ADCK1: variants seen among roughly 807,000 people sequenced by gnomAD.
ADCK1 encodes aarF domain-containing protein kinase 1.
A neutral mutation model predicts 52.3 loss-of-function variants in ADCK1; 41 were observed. The observed-to-expected ratio is 0.78, with a 90% CI of 0.61 to 1.02. The LOEUF is 1.02. ADCK1 is among the 50% of genes least tolerant of loss of function. ADCK1 has a pLI of 0.00. For missense variants in ADCK1, 658 were observed against 679.5 expected, an observed-to-expected ratio of 0.97 and a Z score of 0.35; for synonymous variants, 250 against 274.6, an observed-to-expected ratio of 0.91 and a Z score of 0.89.
chr14:77,827,745 C>A, intron 3 of ADCK1: 1 of 361,622 alleles, frequency 2.8e-6, no homozygotes. Context: ...AGAATTGGAG[C>A]CATTTTGGAC....
chr14:77,898,980 G>A, intron 5 of ADCK1, 120 bp from the exon 6 acceptor site: 16 of 1,334,878 alleles, frequency 1.2e-5, no homozygotes, highest in Non-Finnish European at 1.6e-5. Context: ...GAATTCAGAG[G>A]AGGGATGGGC....
chr14:77,920,989 A>G (rs1385016117), intron 7 of ADCK1, among the ~76,000 whole-genome samples: 1 of 151,780 alleles, frequency 6.6e-6, no homozygotes, highest in Non-Finnish European at 1.5e-5. Flanking sequence ...TAAACTTTGA[A>G]AATTAGGCTT....
At chr14:77,853,665 T>G (rs2082359810) in intron 3 of ADCK1, among the ~76,000 whole-genome samples, 1 of 152,166 alleles carries the variant, frequency 6.6e-6, no homozygotes, top group South Asian at 2.1e-4. Flanking sequence ...CTGGTGGAAA[T>G]AGGTCCTGTG....
At chr14:77,888,572 A>G (rs187144002) in intron 5 of ADCK1, among the ~76,000 whole-genome samples, 3 of 152,236 alleles carry the variant, frequency 2.0e-5, no homozygotes, top group Admixed American at 2.0e-4. Flanking sequence ...GAGCTGCTGC[A>G]TGGGTCTGAG....
intron 4 of ADCK1, among the ~76,000 whole-genome samples, chr14:77,882,863 C>G (rs781452246): frequency 2.0e-5 from 3 of 152,132 alleles, no homozygotes; most frequent in Non-Finnish European, 4.4e-5. Context: ...CACTTAGTCT[C>G]CTGATTCCCA....
intron 4 of ADCK1, among the ~76,000 whole-genome samples, chr14:77,874,753 A>G (rs1267927921): frequency 3.9e-5 from 6 of 152,218 alleles, no homozygotes; most frequent in South Asian, 2.1e-4. Context: ...TCAGGGCACT[A>G]TGATCTATTT....
At chr14:77,903,729 G>T (rs1245316811) in intron 6 of ADCK1, among the ~76,000 whole-genome samples, 2 of 152,090 alleles carry the variant, frequency 1.3e-5, no homozygotes, top group Non-Finnish European at 2.9e-5. Flanking sequence ...GCCATGCCAG[G>T]GTTCCTTAGT....
At chr14:77,880,497 G>A (rs571148237) in intron 4 of ADCK1, among the ~76,000 whole-genome samples, 1 of 152,226 alleles carries the variant, frequency 6.6e-6, no homozygotes, top group Non-Finnish European at 1.5e-5. Flanking sequence ...TCCTTGAGCT[G>A]TTATTGCCAT....
intron 5 of ADCK1, among the ~76,000 whole-genome samples, chr14:77,893,201 T>C (rs527471643): frequency 1.3e-5 from 2 of 152,342 alleles, no homozygotes; most frequent in South Asian, 2.1e-4. Flanking sequence ...GCCAGACTAA[T>C]TGGGCCCAGA....
intron 3 of ADCK1, among the ~76,000 whole-genome samples, chr14:77,852,694 T>A (rs1468832077): frequency 4.0e-5 from 5 of 124,586 alleles, no homozygotes; most frequent in Non-Finnish European, 8.4e-5. Flanking sequence ...TATATATATA[T>A]ATATATATAT....
At chr14:77,902,385 T>G (rs1461264749) in intron 6 of ADCK1, 2 of 152,178 alleles carry the variant, frequency 1.3e-5, no homozygotes, top group African/African-American at 2.4e-5. Flanking sequence ...GACCCTCTTG[T>G]GTGTGTAAAT....
At chr14:77,885,691 T>C (rs1416839795) in intron 4 of ADCK1, among the ~76,000 whole-genome samples, 1 of 152,092 alleles carries the variant, frequency 6.6e-6, no homozygotes, top group East Asian at 1.9e-4. Flanking sequence ...CTGTGCAGAC[T>C]GAATAGACTT....
chr14:77,813,970 G>A (rs535759640), intron 1 of ADCK1, among the ~76,000 whole-genome samples: 6 of 152,090 alleles, frequency 3.9e-5, no homozygotes, highest in Admixed American at 3.3e-4. Context: ...GTTTTGCCAT[G>A]TTGGCAAGGC....
chr14:77,861,922 T>A (rs896684201), intron 4 of ADCK1, among the ~76,000 whole-genome samples: 4 of 152,222 alleles, frequency 2.6e-5, no homozygotes, highest in African/African-American at 4.8e-5. Flanking sequence ...GCTGGCACCA[T>A]CAGTGCAGAG....
intron 4 of ADCK1, among the ~76,000 whole-genome samples, chr14:77,883,730 G>A (rs1274516874): frequency 1.3e-5 from 2 of 152,118 alleles, no homozygotes; most frequent in Non-Finnish European, 2.9e-5. Context: ...CTGTGTGACA[G>A]GTTTCCGGTG....
intron 1 of ADCK1, among the ~76,000 whole-genome samples, chr14:77,811,834 A>C (rs2081344160): frequency 1.3e-5 from 2 of 152,164 alleles, no homozygotes; most frequent in Non-Finnish European, 2.9e-5. Context: ...AGCAAGAAAA[A>C]CAATGATAAC....
At chr14:77,919,261 A>G (rs2083994939) in intron 7 of ADCK1, among the ~76,000 whole-genome samples, 1 of 152,140 alleles carries the variant, frequency 6.6e-6, no homozygotes, top group Non-Finnish European at 1.5e-5. Flanking sequence ...AAGTCCCCAT[A>G]GTTCATTGTA....
chr14:77,807,496 CACGCCCAGCT>C (rs1258089809), intron 1 of ADCK1, among the ~76,000 whole-genome samples: 2 of 151,708 alleles, frequency 1.3e-5, no homozygotes, highest in African/African-American at 4.8e-5. Flanking sequence ...CGTGCGCCAC[CACGCCCAGCT>C]AATTTTTTTT....
At chr14:77,824,674 TC>T (rs1189585398) in intron 3 of ADCK1, among the ~76,000 whole-genome samples, 1 of 151,488 alleles carries the variant, frequency 6.6e-6, no homozygotes, top group Non-Finnish European at 1.5e-5. Context: ...CCTCAAGTGA[TC>T]CACCCACCTT....
Sources: gnomAD v4.1 joint callset for allele counts (sites outside exome capture counted in the v4.1 genomes callset) on GRCh38, gnomAD v4.1.1 for gene constraint, MANE v1.5 for transcripts, NCBI Gene and HGNC (gene_info 2026-07-23, HGNC 2026-07-21) for gene names.